The following CCDC40 variants were observed in gnomAD, a reference collection of about 807,000 sequenced individuals.
CCDC40 encodes the protein coiled-coil domain 40 molecular ruler complex subunit.
In CCDC40, 104 loss-of-function variants were observed where a neutral mutation model predicts 124.5. The observed-to-expected ratio is 0.84, with a 90% CI of 0.71 to 0.98. CCDC40 has a LOEUF of 0.98. Ranked by LOEUF, CCDC40 falls within the 50% of genes least tolerant of loss-of-function variation. The pLI is 0.00. For synonymous variants in CCDC40, 580 were observed against 602.9 expected, an observed-to-expected ratio of 0.96 and a Z score of 0.56; for missense variants, 1,463 against 1,503.9, an observed-to-expected ratio of 0.97 and a Z score of 0.45.
intron 10 of CCDC40, among the ~76,000 whole-genome samples, chr17:80,072,637 C>A (rs1025521115): frequency 2.0e-5 from 3 of 152,222 alleles, no homozygotes; most frequent in African/African-American, 7.2e-5. Context: ...GTGCCTATAG[C>A]TCTGCCATTT....
At position 80,058,546 on chromosome 17, in the gene CCDC40, G is replaced by A. The variant is rs2037810877; in HGVS notation, c.1212G>A (p.Met404Ile). 1 of 1,614,052 alleles carries A rather than the reference G, an allele frequency of 6.2e-7. No individual in the cohort carries two copies. Among genetic ancestry groups the A allele is most frequent in the South Asian group, 1.1e-5 (1 of 91,086 alleles). Residue 404 changes from methionine (M) to isoleucine (I), a missense_variant, in exon 8 of 20, where the codon ATG (methionine) becomes ATA (isoleucine). Met to Ile is a conservative substitution (Grantham distance 10). Transcript: ENST00000397545. This position sits in a 1 kb window ranked among gnomAD's most constrained non-coding sequence, Gnocchi z 4.2. ...MENLALHLFY[M>I]QNIDQDMRDD... ...ACTTGGCCCTGCATCTCTTCTACAT[G>A]CAGAACATCGACCAGGACATGCGTG...
chr17:80,096,091 G>A (rs977753497), intron 18 of CCDC40, among the ~76,000 whole-genome samples: 18 of 152,356 alleles, frequency 1.2e-4, no homozygotes, highest in African/African-American at 4.1e-4. Context: ...GTGTGACCTC[G>A]GAGTATGTGG....
chr17:80,037,689 AGATATAC>A lies in CCDC40; in HGVS notation c.30-433_30-427del, dbSNP rs1281734732. 3.3e-3 allele frequency among the ~76,000 whole-genome samples: 315 copies of A among 95,154 alleles called. 3 individuals are homozygous for A. Among genetic ancestry groups the A allele is most frequent in the Admixed American group, 5.8e-3 (56 of 9,730 alleles). 62.4% of individuals were successfully genotyped at this position (95,154 alleles called of 152,430 possible). The stretch of plus-strand genomic sequence containing the variant: ...GCTTGAATCTTTAATTTTTTAAAAA[AGATATAC>A]ATATATATATATATATATATATATT... On this transcript the variant is annotated intron_variant, in intron 1 of 19. Coordinates refer to ENST00000397545, the MANE Select transcript of CCDC40 (RefSeq NM_017950.4).
chr17:80,096,107 G>C (rs1205212772), intron 18 of CCDC40, among the ~76,000 whole-genome samples: 1 of 152,232 alleles, frequency 6.6e-6, no homozygotes, highest in Non-Finnish European at 1.5e-5. Context: ...TGTGGGCCTT[G>C]CCAGACCTGC....
intron 10 of CCDC40, among the ~76,000 whole-genome samples, chr17:80,071,286 C>T (rs2038180120): frequency 1.3e-5 from 2 of 152,198 alleles, no homozygotes; most frequent in African/African-American, 4.8e-5. Context: ...GGTCTTGGCC[C>T]GCAGCCACAG....
chr17:80,064,790 G>A (rs2143674172), intron 9 of CCDC40, among the ~76,000 whole-genome samples: 1 of 151,290 alleles, frequency 6.6e-6, no homozygotes, highest in East Asian at 2.0e-4. Flanking sequence ...ACCCCTGGCT[G>A]TCCAGTTGTG....
Position 80,039,938 on chromosome 17 carries a change from G to A in CCDC40, c.220G>A (p.Glu74Lys). Residue 74 changes from glutamate to lysine, a missense_variant, in exon 3 of 20, where the codon GAA becomes AAA. Coordinates refer to ENST00000397545, the MANE Select transcript of CCDC40 (RefSeq NM_017950.4). ...AGAGGGGGAGGTGGAGACAGAAGGG[G>A]AAGCAGCAGTGGAAGGGGAAGAGGA... ...IEEGEVETEG[E>K]AAVEGEEEAV... is the part of the protein sequence containing the mutation. 1 of 1,613,414 alleles carries A rather than the reference G, an allele frequency of 6.2e-7. No homozygotes were observed. The highest frequency in any genetic ancestry group is 8.5e-7 in the Non-Finnish European group (1 of 1,179,458).
rs2143759904 is a variant in CCDC40 at position 80,089,884 on chromosome 17, G to A, written c.2832G>A (p.Lys944=). The A allele has an allele frequency of 6.2e-7, 1 of 1,614,220 alleles. No homozygotes were observed. The highest frequency in any genetic ancestry group is 1.1e-5 in the South Asian group (1 of 91,092). ...TGAAGGGCGAGATCCACAGGATGAA[G>A]GTGAGGGGAGGAGAGCGGCGTGGCA... ...RAMKGEIHRM[K]VRLGQLLKQQ... is the part of the protein sequence containing the mutation. Residue 944 remains lysine, a splice_region_variant and synonymous_variant, in exon 17 of 20, where the codon AAG becomes AAA. Transcript: ENST00000397545.
intron 7 of CCDC40, among the ~76,000 whole-genome samples, chr17:80,056,817 A>G (rs1224470153): frequency 6.6e-6 from 1 of 151,922 alleles, no homozygotes; most frequent in Admixed American, 6.6e-5. Context: ...AGGCAAGCGG[A>G]TCACAAGGTC....
chr17:80,075,208 A>G (rs8072492), intron 10 of CCDC40, among the ~76,000 whole-genome samples: 26 of 149,500 alleles, frequency 1.7e-4, no homozygotes, highest in Non-Finnish European at 2.9e-4. Flanking sequence ...TACAGGCATG[A>G]GCCACCTCAG....
In CCDC40 at chr17:80,086,359, CT is replaced by C; in HGVS notation, c.2449+144del. Reference sequence around the variant, plus strand: ...AGCAAATAACAAACGCGCATGCTCCCTGTATTTTGTAAATGTGAACCACTGC... The same window carrying C: ...AGCAAATAACAAACGCGCATGCTCCCGTATTTTGTAAATGTGAACCACTGC... On this transcript the variant is annotated intron_variant, in intron 14 of 19. Coordinates refer to ENST00000397545, the MANE Select transcript of CCDC40 (RefSeq NM_017950.4). This position sits in a 1 kb window ranked among gnomAD's most constrained non-coding sequence, Gnocchi z 5.5. The C allele has an allele frequency of 1.0e-5, 7 of 697,534 alleles. No individual in the cohort carries two copies. The highest frequency in any genetic ancestry group is 1.8e-5 in the Non-Finnish European group (7 of 395,650). The allele number at this position is 697,534 out of a possible 1,614,324, so 43.2% of individuals were successfully genotyped here.
intron 10 of CCDC40, among the ~76,000 whole-genome samples, chr17:80,076,943 C>A (rs2143720348): frequency 6.6e-6 from 1 of 152,046 alleles, no homozygotes; most frequent in South Asian, 2.1e-4. Context: ...ACCATGTTGG[C>A]CAGGCTGGTC....
intron 10 of CCDC40, among the ~76,000 whole-genome samples, chr17:80,069,004 G>T (rs1288055760): frequency 6.6e-6 from 1 of 152,122 alleles, no homozygotes; most frequent in Admixed American, 6.5e-5. Flanking sequence ...CCGTCCACAT[G>T]GGCGGGAGGT....
At chr17:80,081,387 A>AAATAAATAAATAAATAAATAAAT (rs2038443379) in intron 10 of CCDC40, 159 bp from the exon 11 acceptor site, 9 of 350,792 alleles carry the variant, frequency 2.6e-5, no homozygotes, top group East Asian at 4.6e-5. Flanking sequence ...TCTGTCTCAA[A>AAATAAATAAATAAATAAATAAAT]AAATAAATAA....
At chr17:80,069,117 A>C (rs141558677) in intron 10 of CCDC40, among the ~76,000 whole-genome samples, 1 of 151,776 alleles carries the variant, frequency 6.6e-6, no homozygotes. Flanking sequence ...ATAAGTTAAT[A>C]CCTTTGATTA....
chr17:80,058,223 T>A lies in CCDC40; in HGVS notation c.1160-271T>A, dbSNP rs1035499931. On this transcript the variant is annotated intron_variant, in intron 7 of 19. Coordinates refer to ENST00000397545, the MANE Select transcript of CCDC40 (RefSeq NM_017950.4). This position sits in a 1 kb window ranked among gnomAD's most constrained non-coding sequence, Gnocchi z 4.2. The stretch of plus-strand genomic sequence containing the variant: ...GTGTATCCTTAGACTACCAGGAGGA[T>A]CTCTGAGACTTGGTGGGGAATGGAA... 6.6e-6 allele frequency among the ~76,000 whole-genome samples: 1 copy of A among 152,194 alleles called. No homozygotes were observed. The highest frequency in any genetic ancestry group is 6.5e-5 in the Admixed American group (1 of 15,278).
At position 80,086,282 on chromosome 17, in the gene CCDC40, A is replaced by AG; in HGVS notation, c.2449+70dup. ...GAGCTCTGGGACGTGGGCACCTCCC[A>AG]GGGGAGGGGCACTCAGTGGGGCACG... On this transcript the variant is annotated intron_variant, in intron 14 of 19. Coordinates refer to ENST00000397545, the MANE Select transcript of CCDC40 (RefSeq NM_017950.4). This position sits in a 1 kb window ranked among gnomAD's most constrained non-coding sequence, Gnocchi z 5.5. The AG allele has an allele frequency of 1.5e-6, 2 of 1,347,962 alleles. No homozygotes were observed. The highest frequency in any genetic ancestry group is 2.9e-5 in the African/African-American group (2 of 69,164). The allele number at this position is 1,347,962 out of a possible 1,614,324, so 83.5% of individuals were successfully genotyped here. A position where few individuals can be genotyped will look rare whatever the true frequency, so the allele number is the denominator to read the frequency against.
rs752301491 is a variant in CCDC40 at position 80,087,621 on chromosome 17, G to C, written c.2464G>C (p.Glu822Gln). The C allele has an allele frequency of 6.2e-7, 1 of 1,614,158 alleles. No individual in the cohort carries two copies. The highest frequency in any genetic ancestry group is 1.7e-5 in the Admixed American group (1 of 60,028). Reference sequence around the variant, plus strand: ...TTCTGCCATAGGCAAGATTGAGCAGGAGAAGAAGGAGCAGAAGGAGATCGA... The same window carrying C: ...TTCTGCCATAGGCAAGATTGAGCAGCAGAAGAAGGAGCAGAAGGAGATCGA... ...KLRVESKIEQEKKEQKEIEHH... is the reference protein window; with the variant it reads ...KLRVESKIEQQKKEQKEIEHH... Residue 822 changes from glutamate (E) to glutamine (Q), a missense_variant, in exon 15 of 20, where the codon GAG (glutamate) becomes CAG (glutamine). By Grantham distance (29) the Glu-to-Gln change is conservative. Coordinates refer to ENST00000397545, the MANE Select transcript of CCDC40 (RefSeq NM_017950.4). The surrounding 1 kb of genome is among the most constrained non-coding windows in gnomAD (Gnocchi z 4.5).
rs1348222017 is a variant in CCDC40 at position 80,071,678 on chromosome 17, A to C, written c.1562+6072A>C. ...GCACGGTATTCAATAAATTACATGG[A>C]TGCCCCACACTTTATTATCAAACAG... On this transcript the variant is annotated intron_variant, in intron 10 of 19. Coordinates refer to ENST00000397545, the MANE Select transcript of CCDC40 (RefSeq NM_017950.4). Among the ~76,000 whole-genome samples the C allele has an allele frequency of 2.0e-5, 3 of 152,090 alleles. No homozygotes were observed. The East Asian group carries it at 5.8e-4, about 29-fold the overall frequency.
Sources: allele counts gnomAD v4.1 joint callset (sites outside exome capture counted in the v4.1 genomes callset), GRCh38; gene constraint gnomAD v4.1.1; non-coding constraint Gnocchi (gnomAD v3.1); transcripts MANE v1.5; gene names NCBI Gene and HGNC (gene_info 2026-07-23, HGNC 2026-07-21).